MTUS2: variants seen among roughly 807,000 people sequenced by gnomAD.
MTUS2 encodes the protein microtubule associated scaffold protein 2.
Under a neutral mutation model 114.1 loss-of-function variants are expected in MTUS2, and 40 were observed. That is an observed-to-expected ratio of 0.35 (90% CI 0.27 to 0.46). The LOEUF is 0.46. Ranked by LOEUF, MTUS2 falls within the 20% of genes least tolerant of loss-of-function variation. MTUS2 has a pLI of 1.00. For synonymous variants in MTUS2, 688 were observed against 672.0 expected, an observed-to-expected ratio of 1.02 and a Z score of -0.37; for missense variants, 1,679 against 1,705.4, an observed-to-expected ratio of 0.98 and a Z score of 0.27.
intron 2 of MTUS2, among the ~76,000 whole-genome samples, chr13:29,000,039 C>T (rs1424590071): frequency 6.6e-6 from 1 of 152,126 alleles, no homozygotes; most frequent in African/African-American, 2.4e-5. Context: ...ATACTTAGGT[C>T]GATTTCATGC....
At chr13:29,332,650 T>TTGTCA (rs1900843198) in intron 7 of MTUS2, among the ~76,000 whole-genome samples, 1 of 130,918 alleles carries the variant, frequency 7.6e-6, no homozygotes, top group Admixed American at 7.5e-5. Flanking sequence ...TTTTTTTTTT[T>TTGTCA]CGGACACAGA....
intron 2 of MTUS2, among the ~76,000 whole-genome samples, chr13:28,965,370 C>A (rs1883532100): frequency 6.6e-6 from 1 of 152,090 alleles, no homozygotes; most frequent in Non-Finnish European, 1.5e-5. Context: ...CTAAAGGGGG[C>A]TTTCTGGCAT....
intron 5 of MTUS2, among the ~76,000 whole-genome samples, chr13:29,191,039 C>A (rs1465956507): frequency 6.6e-6 from 1 of 152,140 alleles, no homozygotes; most frequent in Non-Finnish European, 1.5e-5. Flanking sequence ...ACAGCTGCCA[C>A]ACAGCTGTAT....
intron 4 of MTUS2, among the ~76,000 whole-genome samples, chr13:29,053,825 T>A (rs962536058): frequency 1.3e-5 from 2 of 152,162 alleles, no homozygotes; most frequent in Admixed American, 1.3e-4. Context: ...TGATAGACAT[T>A]TGGGTTATTT....
At chr13:29,053,512 A>G (rs1000062772) in intron 4 of MTUS2, among the ~76,000 whole-genome samples, 2 of 152,210 alleles carry the variant, frequency 1.3e-5, no homozygotes, top group Non-Finnish European at 1.5e-5. Flanking sequence ...TAGCTGAATT[A>G]ATAAGACCTT....
intron 2 of MTUS2, among the ~76,000 whole-genome samples, chr13:28,929,423 A>G (rs1378648355): frequency 2.0e-5 from 3 of 152,234 alleles, no homozygotes; most frequent in Non-Finnish European, 4.4e-5. Flanking sequence ...TATCACATGT[A>G]CCCTGAAAAT....
intron 5 of MTUS2, among the ~76,000 whole-genome samples, chr13:29,209,288 C>T (rs1041597024): frequency 4.6e-5 from 7 of 152,112 alleles, no homozygotes; most frequent in East Asian, 1.9e-4. Context: ...TCTTTTTCCA[C>T]CCCCTACCTT....
chr13:29,059,090 T>C (rs773507776), intron 4 of MTUS2, among the ~76,000 whole-genome samples: 1 of 152,170 alleles, frequency 6.6e-6, no homozygotes, highest in Non-Finnish European at 1.5e-5. Flanking sequence ...TGGTTAAGAA[T>C]CATTACAGGG....
At chr13:29,259,255 A>T (rs553556299) in intron 5 of MTUS2, among the ~76,000 whole-genome samples, 231 of 152,274 alleles carry the variant, frequency 1.5e-3, no homozygotes, top group African/African-American at 5.4e-3. Context: ...GGGTGACTGA[A>T]GTGTTTGCTT....
In MTUS2 at chr13:29,008,212, G is replaced by T. The variant is rs535271100; in HGVS notation, c.-242-16245G>T. Among the ~76,000 whole-genome samples the T allele has an allele frequency of 2.6e-5, 4 of 152,244 alleles. No homozygotes were observed. In the South Asian group the frequency reaches 8.3e-4, roughly 32 times the overall value. On this transcript the variant is annotated intron_variant, in intron 2 of 15. Transcript: ENST00000612955. ...GTCAGTCAACAGAGCCCCATCTCCT[G>T]CCCTGAGGGGAAAAGCCTGCAGGGC... is the stretch of plus-strand genomic sequence containing the variant.
chr13:29,426,396 C>T (rs987055034), intron 8 of MTUS2, among the ~76,000 whole-genome samples: 8 of 152,182 alleles, frequency 5.3e-5, no homozygotes, highest in East Asian at 1.9e-4. Context: ...GAATGTGTTA[C>T]GCCATCGTAA....
At position 29,501,082 on chromosome 13, in the gene MTUS2, C is replaced by G. The variant is rs770716551; in HGVS notation, c.3799-15C>G. The stretch of plus-strand genomic sequence containing the variant: ...TGGCCTTGCTAGAACCTCTTAAACA[C>G]TGTTTCCTTTGTAGGCAGAAAAGAA... On this transcript the variant is annotated splice_polypyrimidine_tract_variant and intron_variant, in intron 14 of 15. Coordinates refer to ENST00000612955, the MANE Select transcript of MTUS2 (RefSeq NM_001033602.4). The G allele has an allele frequency of 1.2e-6, 2 of 1,611,334 alleles. No individual in the cohort carries two copies. The highest frequency in any genetic ancestry group is 1.7e-5 in the Admixed American group (1 of 59,962).
Position 29,242,207 on chromosome 13 carries a change from T to C in MTUS2, c.2645-39497T>C, listed in dbSNP as rs1381441265. On this transcript the variant is annotated intron_variant, in intron 5 of 15. Coordinates refer to ENST00000612955, the MANE Select transcript of MTUS2 (RefSeq NM_001033602.4). ...TATCTAGTTTAGAATATTTTCATCA[T>C]CTCAGTAAAAGCCCTCATGCCCATT... 5.3e-5 allele frequency among the ~76,000 whole-genome samples: 8 copies of C among 152,228 alleles called. No homozygotes were observed. In the South Asian group the frequency reaches 1.7e-3, roughly 31 times the overall value.
At chr13:28,902,281 C>A (rs2935199) in intron 2 of MTUS2, among the ~76,000 whole-genome samples, 19,580 of 152,042 alleles carry the variant, frequency 0.13, 1,520 homozygotes, top group African/African-American at 0.21. Context: ...AGGATAGTTT[C>A]ATTTTTTGCT....
chr13:29,487,245 T>C (rs1881686781), intron 10 of MTUS2, among the ~76,000 whole-genome samples: 1 of 152,154 alleles, frequency 6.6e-6, no homozygotes, highest in Non-Finnish European at 1.5e-5. Flanking sequence ...TCGTTGCTAG[T>C]CTTGCTTGGG....
rs574622272 is a variant in MTUS2 at position 29,078,981 on chromosome 13, C to T, written c.2447-21792C>T. Reference sequence around the variant, plus strand: ...ACATTGCACCTCTGTATTTAATCTTCCAAGAAACTGCCAGGCTGTTTTCCA... The same window carrying T: ...ACATTGCACCTCTGTATTTAATCTTTCAAGAAACTGCCAGGCTGTTTTCCA... On this transcript the variant is annotated intron_variant, in intron 4 of 15. Coordinates refer to ENST00000612955, the MANE Select transcript of MTUS2 (RefSeq NM_001033602.4). 1.5e-3 allele frequency among the ~76,000 whole-genome samples: 221 copies of T among 152,296 alleles called. 1 individual carries two copies. Among genetic ancestry groups the T allele is most frequent in the African/African-American group, 5.1e-3 (213 of 41,580 alleles).
chr13:29,459,472 AC>A lies in MTUS2; in HGVS notation c.3184+19424del, dbSNP rs754331431. On this transcript the variant is annotated intron_variant, in intron 9 of 15. Transcript: ENST00000612955. ...TCTTTCTTACTGCAAAAGCCTCCTC[AC>A]TAGTCCTTACCCCTACCCTTGCCCC... Among the ~76,000 whole-genome samples the A allele has an allele frequency of 3.9e-5, 6 of 152,064 alleles. No homozygotes were observed. In the East Asian group the frequency reaches 1.2e-3, roughly 29 times the overall value.
chr13:28,988,555 G>A (rs1884687465), intron 2 of MTUS2, among the ~76,000 whole-genome samples: 1 of 152,126 alleles, frequency 6.6e-6, no homozygotes, highest in Non-Finnish European at 1.5e-5. Flanking sequence ...GGATTTGTGA[G>A]CAAACAAATC....
intron 1 of MTUS2, among the ~76,000 whole-genome samples, chr13:28,821,575 G>A (rs981642724): frequency 1.3e-5 from 2 of 152,124 alleles, no homozygotes; most frequent in Non-Finnish European, 2.9e-5. Context: ...AAATACAAAA[G>A]TAGAAAACAT....
Sources: allele counts gnomAD v4.1 joint callset (sites outside exome capture counted in the v4.1 genomes callset), GRCh38; gene constraint gnomAD v4.1.1; transcripts MANE v1.5; gene names NCBI Gene and HGNC (gene_info 2026-07-23, HGNC 2026-07-21).